Variants in SNRNP40 observed in about 807,000 individuals in gnomAD.
SNRNP40 encodes small nuclear ribonucleoprotein U5 subunit 40, also known as U5 small nuclear ribonucleoprotein 40 kDa protein.
Under a neutral mutation model 45.8 loss-of-function variants are expected in SNRNP40, and 21 were observed. The ratio of observed to expected loss-of-function variants is 0.46; its 90% confidence interval spans 0.32 to 0.66. SNRNP40 has a LOEUF of 0.66. Ranked by LOEUF, SNRNP40 falls within the 30% of genes least tolerant of loss-of-function variation. SNRNP40 has a pLI of 0.03. For synonymous variants in SNRNP40, 142 were observed against 163.8 expected (o/e 0.87, Z 1.01); for missense variants, 344 against 439.1 (o/e 0.78, Z 1.94).
rs1371306606 is a variant in SNRNP40 at position 31,289,244 on chromosome 1, C to A, written c.531+10G>T. ...CCTCAGAAACTGGAACACGGAGAGA[C>A]AATACCCACCTTAACTGTGCCATCG... On this transcript the variant is annotated intron_variant, in intron 4 of 9. Transcript: ENST00000263694. The A allele has an allele frequency of 6.2e-7, 1 of 1,613,152 alleles. No homozygotes were observed. Among genetic ancestry groups the A allele is most frequent in the Admixed American group, 1.7e-5 (1 of 59,938 alleles).
At chr1:31,282,941 G>C (rs1268339724) in intron 4 of SNRNP40, among the ~76,000 whole-genome samples, 1 of 152,160 alleles carries the variant, frequency 6.6e-6, no homozygotes, top group Non-Finnish European at 1.5e-5. Context: ...CTCCCAAAGT[G>C]CTAAGATTAC....
intron 4 of SNRNP40, among the ~76,000 whole-genome samples, chr1:31,287,345 CTT>C (rs1338294792): frequency 1.3e-5 from 2 of 152,084 alleles, no homozygotes; most frequent in African/African-American, 4.8e-5. Flanking sequence ...AAAGTATTAA[CTT>C]GAGTAATAAG....
chr1:31,269,831 ATTGT>A (rs1296306863), intron 6 of SNRNP40, among the ~76,000 whole-genome samples: 1 of 152,140 alleles, frequency 6.6e-6, no homozygotes, highest in Non-Finnish European at 1.5e-5. Context: ...AAACAGTGAG[ATTGT>A]TTGTGTCTTG....
chr1:31,294,706 G>A (rs936688860), intron 1 of SNRNP40, among the ~76,000 whole-genome samples: 22 of 152,240 alleles, frequency 1.4e-4, no homozygotes, highest in East Asian at 5.8e-4. Context: ...TTGGGAGGCT[G>A]AGGTGGGCGG....
At chr1:31,289,492 C>T in intron 3 of SNRNP40, 73 bp from the exon 4 acceptor site, 1 of 1,389,500 alleles carries the variant, frequency 7.2e-7, no homozygotes, top group Non-Finnish European at 1.0e-6. Context: ...TCCTACTTGA[C>T]AAAAGGTGCC....
intron 3 of SNRNP40, among the ~76,000 whole-genome samples, chr1:31,290,506 A>G (rs1291991238): frequency 6.6e-6 from 1 of 152,238 alleles, no homozygotes; most frequent in Admixed American, 6.5e-5. Context: ...CTAAAATAAT[A>G]TAGTCATTAA....
chr1:31,261,476 T>C, intron 9 of SNRNP40, 53 bp downstream of exon 9: 1 of 1,174,794 alleles, frequency 8.5e-7, no homozygotes, highest in Non-Finnish European at 1.3e-6. Context: ...ATTCCCAGGA[T>C]CCCTACGGGG....
At chr1:31,261,500 C>T in intron 9 of SNRNP40, 29 bp downstream of exon 9, 3 of 1,448,936 alleles carry the variant, frequency 2.1e-6, no homozygotes, top group Non-Finnish European at 2.9e-6. Flanking sequence ...TTTCCAGTTT[C>T]CCTTTCCCCC....
chr1:31,291,887 G>A lies in SNRNP40; in HGVS notation c.365+26C>T, dbSNP rs765188201. Reference sequence around the variant, plus strand: ...ACGCCAAGAATTAGTATGAGAAGCTGTCCTTCCATTATGCAGAATACTCAC... The same window carrying A: ...ACGCCAAGAATTAGTATGAGAAGCTATCCTTCCATTATGCAGAATACTCAC... On this transcript the variant is annotated intron_variant, in intron 3 of 9. Transcript: ENST00000263694. The A allele has an allele frequency of 1.8e-5, 27 of 1,461,534 alleles. No individual in the cohort carries two copies. In the South Asian group the frequency reaches 2.8e-4, roughly 15 times the overall value. 90.5% of individuals were successfully genotyped at this position (1,461,534 alleles called of 1,614,324 possible).
At chr1:31,269,620 A>C (rs1645923387) in intron 6 of SNRNP40, 1 of 367,972 alleles carries the variant, frequency 2.7e-6, no homozygotes, top group East Asian at 4.2e-5. Context: ...TACTGTGACA[A>C]TGAACTTATA....
At chr1:31,281,609 G>A in intron 4 of SNRNP40, 113 bp from the exon 5 acceptor site, 1 of 878,418 alleles carries the variant, frequency 1.1e-6, no homozygotes, top group East Asian at 2.7e-5. Flanking sequence ...TCTATAATTG[G>A]GATCCTATAT....
intron 4 of SNRNP40, among the ~76,000 whole-genome samples, chr1:31,285,202 A>C (rs1646048651): frequency 6.6e-6 from 1 of 151,692 alleles, no homozygotes; most frequent in Admixed American, 6.6e-5. Context: ...TTTTGGTCTA[A>C]ATCATTTGAG....
chr1:31,269,024 A>T, intron 7 of SNRNP40, 134 bp downstream of exon 7: 1 of 793,826 alleles, frequency 1.3e-6, no homozygotes, highest in Non-Finnish European at 1.9e-6. Flanking sequence ...TTTGGCAACA[A>T]GTTTTAATTA....
chr1:31,294,679 C>T (rs969943285), intron 1 of SNRNP40, among the ~76,000 whole-genome samples: 8 of 152,074 alleles, frequency 5.3e-5, no homozygotes, highest in African/African-American at 1.7e-4. Flanking sequence ...GTGGCTCACA[C>T]CTGTAATCCC....
intron 4 of SNRNP40, chr1:31,282,279 A>G (rs1436253282): frequency 6.6e-6 from 1 of 152,162 alleles, no homozygotes; most frequent in Non-Finnish European, 1.5e-5. Flanking sequence ...AAGGACTTAC[A>G]TTTATTTTGC....
At chr1:31,274,510 G>A (rs555891211) in intron 5 of SNRNP40, among the ~76,000 whole-genome samples, 7 of 151,996 alleles carry the variant, frequency 4.6e-5, no homozygotes, top group African/African-American at 1.2e-4. Context: ...CGAAGTGCTG[G>A]GATTACAGGC....
At chr1:31,263,584 G>A in intron 8 of SNRNP40, 1 of 458,186 alleles carries the variant, frequency 2.2e-6, no homozygotes, top group Non-Finnish European at 4.3e-6. Flanking sequence ...AGTAAAACTT[G>A]AAGGGCAAGT....
At chr1:31,261,403 A>G in intron 9 of SNRNP40, 126 bp downstream of exon 9, 1 of 653,544 alleles carries the variant, frequency 1.5e-6, no homozygotes. Flanking sequence ...AACAACAACA[A>G]AAACACCCAA....
chr1:31,261,349 AAAAAC>A (rs754481801), intron 9 of SNRNP40, among the ~76,000 whole-genome samples, 175 bp downstream of exon 9: 32 of 152,218 alleles, frequency 2.1e-4, no homozygotes, highest in African/African-American at 6.5e-4. Flanking sequence ...ACACTGTCTC[AAAAAC>A]AAAACAAAAC....
Sources: allele counts gnomAD v4.1 joint callset (sites outside exome capture counted in the v4.1 genomes callset), GRCh38; gene constraint gnomAD v4.1.1; transcripts MANE v1.5; gene names NCBI Gene and HGNC (gene_info 2026-07-23, HGNC 2026-07-21).